Variants in PCLO observed in about 807,000 individuals in gnomAD.
The protein encoded by PCLO is piccolo presynaptic cytomatrix protein.
Under a neutral mutation model 427.5 loss-of-function variants are expected in PCLO, and 82 were observed. That is an observed-to-expected ratio of 0.19 (90% CI 0.16 to 0.23). The LOEUF is 0.23. PCLO is among the 10% of genes least tolerant of loss of function. PCLO has a pLI of 1.00. For synonymous variants in PCLO, 2,357 were observed against 2,155.4 expected, an observed-to-expected ratio of 1.09 and a Z score of -2.59; for missense variants, 6,239 against 6,115.9, an observed-to-expected ratio of 1.02 and a Z score of -0.67.
At chr7:82,975,210 A>G (rs1267031530) in intron 3 of PCLO, among the ~76,000 whole-genome samples, 3 of 152,220 alleles carry the variant, frequency 2.0e-5, no homozygotes, top group Admixed American at 1.3e-4. Flanking sequence ...GAATTTTAAA[A>G]CAAAATTTAT....
Position 83,135,430 on chromosome 7 carries a change from A to T in PCLO, c.2120T>A (p.Val707Glu). ...AGAGCCATGAAGGGTTGGTTGTTTC[A>T]CTAGTGGTGGTGGCTTTTTAGGCTC... ...APEPKKPPPL[V>E]KQPTLHGSPS... Residue 707 changes from valine (V) to glutamate (E), a missense_variant, in exon 3 of 25, where the codon GTG becomes GAG. This residue lies in a region of PCLO where 4,677 missense variants were observed against 4,468.4 expected (regional missense o/e 1.05). Transcript: ENST00000333891. 1 of 1,613,764 alleles carries T rather than the reference A, an allele frequency of 6.2e-7. No individual in the cohort carries two copies. Among genetic ancestry groups the T allele is most frequent in the Admixed American group, 1.7e-5 (1 of 60,002 alleles).
chr7:82,962,682 AT>A (rs1019705980), intron 4 of PCLO, among the ~76,000 whole-genome samples: 1 of 151,952 alleles, frequency 6.6e-6, no homozygotes, highest in Non-Finnish European at 1.5e-5. Context: ...AAAAATGTAT[AT>A]TTTTTAAATA....
intron 13 of PCLO, among the ~76,000 whole-genome samples, chr7:82,842,332 A>T (rs1405142410): frequency 1.3e-5 from 2 of 152,152 alleles, no homozygotes; most frequent in Non-Finnish European, 2.9e-5. Flanking sequence ...AAAATTGGAC[A>T]TCCACATGCA....
Position 82,949,729 on chromosome 7 carries a change from G to C in PCLO, c.10859C>G (p.Pro3620Arg), listed in dbSNP as rs771659468. 3.1e-6 allele frequency: 5 copies of C among 1,613,752 alleles called. No individual in the cohort carries two copies. The South Asian group carries it at 5.5e-5, about 18-fold the overall frequency. ...TGAGATGGGTGAGTAAAGGACTTTG[G>C]GGGATTTGGGTGGGGAAGGAGCCAG... ...VQLAPSPPKS[P>R]KVLYSPISPL... Residue 3620 changes from proline to arginine, a missense_variant, in exon 6 of 25, where the codon CCC becomes CGC. Transcript: ENST00000333891.
chr7:83,086,248 T>A (rs1164395656), intron 3 of PCLO, among the ~76,000 whole-genome samples: 1 of 151,994 alleles, frequency 6.6e-6, no homozygotes, highest in Non-Finnish European at 1.5e-5. Context: ...GTAGCTGGGA[T>A]TATAGGCACA....
chr7:82,891,238 C>T (rs1297017253), intron 9 of PCLO, among the ~76,000 whole-genome samples: 3 of 151,850 alleles, frequency 2.0e-5, no homozygotes, highest in African/African-American at 7.3e-5. Context: ...CTATTTTTGT[C>T]TTTTTTAAAA....
At position 82,980,423 on chromosome 7, in the gene PCLO, C is replaced by G. The variant is rs116731066; in HGVS notation, c.3301-13936G>C. On this transcript the variant is annotated intron_variant, in intron 3 of 24. Transcript: ENST00000333891. ...TCAGCTGGAGTCTCACTGCCTGAAA[C>G]GTTCAGCTGAGTCAAATAAAGATTT... is the stretch of plus-strand genomic sequence containing the variant. 6.7e-3 allele frequency among the ~76,000 whole-genome samples: 1,013 copies of G among 152,130 alleles called. 9 individuals are homozygous for G. The highest frequency in any genetic ancestry group is 0.023 in the African/African-American group (976 of 41,534).
In PCLO at chr7:83,135,170, G is replaced by A. The variant is rs2116617807; in HGVS notation, c.2380C>T (p.Pro794Ser). 1 of 1,613,916 alleles carries A rather than the reference G, an allele frequency of 6.2e-7. No homozygotes were observed. The highest frequency in any genetic ancestry group is 8.5e-7 in the Non-Finnish European group (1 of 1,179,890). ...GGTTTGGCAGAGTCTGTTTTTAGAG[G>A]AGGGGTTGTTTTCTCTTCAGCTTGT... ...QSQAEEKTTP[P>S]LKTDSAKPSQ... Residue 794 changes from proline to serine, a missense_variant, in exon 3 of 25, where the codon CCT becomes TCT. Physicochemically the swap from Pro to Ser is moderately conservative, Grantham distance 74 (BLOSUM62 -1). Transcript: ENST00000333891.
At chr7:83,105,371 A>G (rs1482996346) in intron 3 of PCLO, among the ~76,000 whole-genome samples, 6 of 152,200 alleles carry the variant, frequency 3.9e-5, no homozygotes, top group Admixed American at 3.9e-4. Context: ...AAGTTTATGA[A>G]AAGATTTGGG....
At chr7:83,130,912 A>C (rs1359339417) in intron 3 of PCLO, among the ~76,000 whole-genome samples, 2 of 152,258 alleles carry the variant, frequency 1.3e-5, no homozygotes, top group African/African-American at 4.8e-5. Context: ...GGACTTCCTG[A>C]AACATGAGGA....
intron 3 of PCLO, among the ~76,000 whole-genome samples, chr7:83,097,121 A>G (rs1380260536): frequency 1.5e-5 from 1 of 64,868 alleles, no homozygotes; most frequent in African/African-American, 6.1e-5. Context: ...TATTATATAA[A>G]TATATTATAC....
At chr7:82,897,791 A>C (rs1793942692) in intron 9 of PCLO, among the ~76,000 whole-genome samples, 2 of 151,424 alleles carry the variant, frequency 1.3e-5, no homozygotes, top group South Asian at 4.1e-4. Context: ...AATAAGTAGA[A>C]AAAAGTATAT....
Position 83,156,402 on chromosome 7 carries a change from TTAAA to T in PCLO, c.249-14_249-11del. 7.8e-7 allele frequency: 1 copy of T among 1,281,858 alleles called. No individual in the cohort carries two copies. The highest frequency in any genetic ancestry group is 1.0e-6 in the Non-Finnish European group (1 of 986,378). 79.4% of individuals were successfully genotyped at this position (1,281,858 alleles called of 1,614,324 possible). On this transcript the variant is annotated splice_polypyrimidine_tract_variant and intron_variant, in intron 1 of 24. Transcript: ENST00000333891. ...ATCCAACTCTTGTTTCCTAGAAGAG[TTAAA>T]AAAAAAAAAAAAAATCAAGTGAAAA...
At chr7:83,159,128 T>C (rs1792372816) in intron 1 of PCLO, among the ~76,000 whole-genome samples, 1 of 152,084 alleles carries the variant, frequency 6.6e-6, no homozygotes, top group Non-Finnish European at 1.5e-5. Flanking sequence ...AATGAATAAG[T>C]GGATGATTAA....
At chr7:82,870,158 G>A (rs913589284) in intron 10 of PCLO, among the ~76,000 whole-genome samples, 1 of 151,912 alleles carries the variant, frequency 6.6e-6, no homozygotes, top group Non-Finnish European at 1.5e-5. Context: ...AAAGAACAAA[G>A]CTGGAGGCAT....
chr7:83,151,963 CT>C (rs533840622), intron 2 of PCLO, among the ~76,000 whole-genome samples: 285 of 143,966 alleles, frequency 2.0e-3, no homozygotes, highest in Admixed American at 2.9e-3. Context: ...TACAAACTTA[CT>C]TTTTTTTTTT....
intron 2 of PCLO, among the ~76,000 whole-genome samples, chr7:83,150,609 GTCCTTCCTTCCTTCCT>G (rs150134046): frequency 2.1e-3 from 320 of 151,676 alleles, no homozygotes; most frequent in Non-Finnish European, 4.1e-3. Context: ...TAATTATCTA[GTCCTTCCTTCCTTCCT>G]TCCTTCCTTC....
chr7:82,978,971 T>C (rs1796087966), intron 3 of PCLO, among the ~76,000 whole-genome samples: 2 of 151,970 alleles, frequency 1.3e-5, no homozygotes, highest in South Asian at 2.1e-4. Flanking sequence ...GAAAACAATG[T>C]ATAATTCATA....
rs556909911 is a variant in PCLO, at chr7:82,921,295, C to G, written c.11113-4422G>C. 3.0e-4 allele frequency among the ~76,000 whole-genome samples: 45 copies of G among 151,704 alleles called. 1 individual carries two copies. Among genetic ancestry groups the G allele is most frequent in the Admixed American group, 2.3e-3 (35 of 15,174 alleles). On this transcript the variant is annotated intron_variant, in intron 6 of 24. Coordinates refer to ENST00000333891, the MANE Select transcript of PCLO (RefSeq NM_033026.6). The stretch of plus-strand genomic sequence containing the variant: ...GCAATCCTAAGCAAAAACAAACAAA[C>G]AAACAAACAAACAAAAACAAAGCTA...
Sources: allele counts gnomAD v4.1 joint callset (sites outside exome capture counted in the v4.1 genomes callset), GRCh38; gene constraint gnomAD v4.1.1; regional missense constraint gnomAD v4.1.1; transcripts MANE v1.5; gene names NCBI Gene and HGNC (gene_info 2026-07-23, HGNC 2026-07-21).